ESF1: variants seen among roughly 807,000 people sequenced by gnomAD.
The protein encoded by ESF1 is ESF1 nucleolar pre-rRNA processing protein.
Under a neutral mutation model 92.0 loss-of-function variants are expected in ESF1, and 58 were observed. That is an observed-to-expected ratio of 0.63 (90% CI 0.51 to 0.78). ESF1 has a LOEUF of 0.78. Ranked by LOEUF, ESF1 falls within the 30% of genes least tolerant of loss-of-function variation. ESF1 has a pLI of 0.00. For missense variants in ESF1, 922 were observed against 989.1 expected (o/e 0.93, Z 0.91); for synonymous variants, 321 against 313.7 (o/e 1.02, Z -0.24).
chr20:13,759,259 G>A (rs1979045301), intron 9 of ESF1, among the ~76,000 whole-genome samples: 1 of 152,096 alleles, frequency 6.6e-6, no homozygotes, highest in Admixed American at 6.5e-5. Context: ...ATATTTCTTT[G>A]ACTATTCGCA....
intron 9 of ESF1, among the ~76,000 whole-genome samples, chr20:13,741,631 T>A (rs574619567): frequency 3.7e-4 from 57 of 152,258 alleles, no homozygotes; most frequent in Middle Eastern, 3.4e-3. Context: ...CTACCTCATA[T>A]TAAAAAAAAC....
At position 13,772,532 on chromosome 20, in the gene ESF1, A is replaced by G; in HGVS notation, c.1233T>C (p.Asp411=). 2 of 1,611,276 alleles carry G rather than the reference A, an allele frequency of 1.2e-6. No homozygotes were observed. Among genetic ancestry groups the G allele is most frequent in the Non-Finnish European group, 1.7e-6 (2 of 1,178,078 alleles). The part of the protein sequence containing the change: ...GPVELLSIPE[D]APEKDWTSRE... ...TTTAATACCAGTCTTTTTCTGGGGC[A>G]TCTTCAGGAATACTTAATAGCTCTA... Residue 411 remains aspartate, a synonymous_variant, in exon 5 of 14, where the codon GAT becomes GAC. Transcript: ENST00000617257.
Position 13,772,528 on chromosome 20 carries a change from G to A in ESF1, c.1237C>T (p.Pro413Ser). 1 of 1,609,578 alleles carries A rather than the reference G, an allele frequency of 6.2e-7. No individual in the cohort carries two copies. Among genetic ancestry groups the A allele is most frequent in the Non-Finnish European group, 8.5e-7 (1 of 1,176,756 alleles). ...GTGATTTAATACCAGTCTTTTTCTG[G>A]GGCATCTTCAGGAATACTTAATAGC... ...VELLSIPEDA[P>S]EKDWTSREKL... Residue 413 changes from proline (P) to serine (S), a missense_variant, in exon 5 of 14, where the codon CCA (proline) becomes TCA (serine). Pro to Ser is a moderately conservative substitution (Grantham distance 74). Transcript: ENST00000617257.
intron 2 of ESF1, among the ~76,000 whole-genome samples, chr20:13,780,006 G>T (rs965342409): frequency 6.6e-6 from 1 of 152,168 alleles, no homozygotes; most frequent in African/African-American, 2.4e-5. Context: ...ACTTAAAAAG[G>T]CCCTTGCACA....
intron 7 of ESF1, among the ~76,000 whole-genome samples, chr20:13,769,394 T>G (rs983380637): frequency 1.3e-5 from 2 of 152,200 alleles, no homozygotes; most frequent in Non-Finnish European, 2.9e-5. Flanking sequence ...TGACACAGGC[T>G]TAAATGCGTA....
intron 1 of ESF1, among the ~76,000 whole-genome samples, chr20:13,784,319 T>C (rs1372014083): frequency 7.0e-6 from 1 of 142,170 alleles, no homozygotes; most frequent in Non-Finnish European, 1.5e-5. Flanking sequence ...GCAATATTTC[T>C]TATTTAAAAA....
Position 13,776,133 on chromosome 20 carries a change from T to C in ESF1, c.775A>G (p.Ile259Val), listed in dbSNP as rs1400716090. 1.2e-6 allele frequency: 2 copies of C among 1,613,852 alleles called. No homozygotes were observed. Among genetic ancestry groups the C allele is most frequent in the Non-Finnish European group, 1.7e-6 (2 of 1,179,922 alleles). Residue 259 changes from isoleucine (I) to valine (V), a missense_variant, in exon 3 of 14, where the codon ATT becomes GTT. Coordinates refer to ENST00000617257, the MANE Select transcript of ESF1 (RefSeq NM_001276380.2). ...IGSDEESENE[I>V]TSVGRASGDD... ...CCTGAAGCTCTACCAACACTTGTAATTTCATTTTCAGATTCCTCATCACTT... is the reference window on the plus strand; with the variant it reads ...CCTGAAGCTCTACCAACACTTGTAACTTCATTTTCAGATTCCTCATCACTT...
At chr20:13,724,562 C>T (rs370995681) in intron 11 of ESF1, among the ~76,000 whole-genome samples, 7 of 152,266 alleles carry the variant, frequency 4.6e-5, no homozygotes, top group African/African-American at 1.7e-4. Flanking sequence ...CTTCTGGATA[C>T]TGTTAAGCAC....
intron 1 of ESF1, among the ~76,000 whole-genome samples, chr20:13,784,411 C>T (rs550254152): frequency 3.7e-4 from 57 of 152,144 alleles, no homozygotes; most frequent in African/African-American, 1.4e-3. Context: ...TGTATTACAG[C>T]ACTTAACTCT....
chr20:13,761,699 G>C (rs1175208404), intron 8 of ESF1, among the ~76,000 whole-genome samples: 4 of 152,130 alleles, frequency 2.6e-5, no homozygotes, highest in Admixed American at 2.0e-4. Flanking sequence ...TAATTTCACT[G>C]TGTGGAAAAA....
intron 8 of ESF1, among the ~76,000 whole-genome samples, chr20:13,761,060 C>G (rs1297087879): frequency 1.3e-5 from 2 of 150,384 alleles, no homozygotes; most frequent in African/African-American, 4.9e-5. Context: ...GCCTTGGGAT[C>G]CTGTTGATCT....
At chr20:13,717,823 AC>A (rs2049840332) in intron 12 of ESF1, among the ~76,000 whole-genome samples, 1 of 152,184 alleles carries the variant, frequency 6.6e-6, no homozygotes, top group African/African-American at 2.4e-5. Flanking sequence ...GTCCCCAACT[AC>A]CCTCAAATAA....
At position 13,715,175 on chromosome 20, in the gene ESF1, TC is replaced by T; in HGVS notation, c.2263-9del. The T allele has an allele frequency of 5.8e-5, 80 of 1,377,940 alleles. No individual in the cohort carries two copies. Among genetic ancestry groups the T allele is most frequent in the South Asian group, 4.0e-4 (21 of 51,880 alleles). The allele number at this position is 1,377,940 out of a possible 1,614,324, so 85.4% of individuals were successfully genotyped here. ...TGCATCGTTAACATTTACCTGCAAA[TC>T]CAAAAAAAAAAAAAATTAATAAATT... On this transcript the variant is annotated splice_polypyrimidine_tract_variant and intron_variant, in intron 13 of 13. Coordinates refer to ENST00000617257, the MANE Select transcript of ESF1 (RefSeq NM_001276380.2).
intron 9 of ESF1, among the ~76,000 whole-genome samples, chr20:13,756,847 G>C (rs1396649218): frequency 1.3e-5 from 2 of 152,178 alleles, no homozygotes; most frequent in Admixed American, 1.3e-4. Flanking sequence ...TAGGCTGGGA[G>C]AGATGAAAAA....
At chr20:13,748,507 C>CATAT (rs1194442538) in intron 9 of ESF1, among the ~76,000 whole-genome samples, 32 of 131,516 alleles carry the variant, frequency 2.4e-4, no homozygotes, top group African/African-American at 9.9e-4. Flanking sequence ...CATATATACA[C>CATAT]ATATATATAC....
intron 9 of ESF1, among the ~76,000 whole-genome samples, chr20:13,741,365 T>C (rs1167284094): frequency 4.6e-5 from 7 of 151,722 alleles, no homozygotes; most frequent in Non-Finnish European, 7.4e-5. Flanking sequence ...AGAACCCCCA[T>C]ACAAGCTGGC....
In ESF1 at chr20:13,714,812, T is replaced by A; in HGVS notation, c.*62A>T. On this transcript the variant is annotated 3_prime_UTR_variant, in exon 14 of 14. Transcript: ENST00000617257. Reference sequence around the variant, plus strand: ...AGCTTTGTTCCCAATAAATATTCCCTCCTATTATTTTTGTACATTTTAGGA... The same window carrying A: ...AGCTTTGTTCCCAATAAATATTCCCACCTATTATTTTTGTACATTTTAGGA... 5 of 1,306,814 alleles carry A rather than the reference T, an allele frequency of 3.8e-6. No homozygotes were observed. The highest frequency in any genetic ancestry group is 5.2e-6 in the Non-Finnish European group (5 of 958,534). 81.0% of individuals were successfully genotyped at this position (1,306,814 alleles called of 1,614,324 possible). A position where few individuals can be genotyped will look rare whatever the true frequency, so the allele number is the denominator to read the frequency against.
At chr20:13,748,587 TA>T (rs1306203534) in intron 9 of ESF1, among the ~76,000 whole-genome samples, 5 of 59,766 alleles carry the variant, frequency 8.4e-5, no homozygotes, top group Admixed American at 5.6e-4. Context: ...TATATATATA[TA>T]TATATTTTTT....
intron 8 of ESF1, among the ~76,000 whole-genome samples, chr20:13,762,108 A>AT (rs960654999): frequency 2.6e-5 from 4 of 151,920 alleles, no homozygotes; most frequent in African/African-American, 9.7e-5. Context: ...AAATTCATTT[A>AT]TTTTTTCTTT....
Sources: gnomAD v4.1 joint callset for allele counts (sites outside exome capture counted in the v4.1 genomes callset) on GRCh38, gnomAD v4.1.1 for gene constraint, MANE v1.5 for transcripts, NCBI Gene and HGNC (gene_info 2026-07-23, HGNC 2026-07-21) for gene names.